KCNJ4: variants seen among roughly 807,000 people sequenced by gnomAD.
The protein encoded by KCNJ4 is inward rectifier potassium channel 4.
Under a neutral mutation model 25.6 loss-of-function variants are expected in KCNJ4, and 3 were observed. The ratio of observed to expected loss-of-function variants is 0.12; its 90% CI spans 0.05 to 0.30. KCNJ4 has a LOEUF of 0.30. KCNJ4 is among the 10% of genes least tolerant of loss of function. KCNJ4 has a pLI of 1.00. For missense variants in KCNJ4, 286 were observed against 666.8 expected, an observed-to-expected ratio of 0.43 and a Z score of 6.29; for synonymous variants, 257 against 283.9, an observed-to-expected ratio of 0.91 and a Z score of 0.95.
chr22:38,433,314 T>C (rs1248530434), intron 1 of KCNJ4, among the ~76,000 whole-genome samples: 1 of 151,838 alleles, frequency 6.6e-6, no homozygotes, highest in Admixed American at 6.6e-5. Context: ...GGTGTGGTGG[T>C]GTGTGCCTGT....
At position 38,449,846 on chromosome 22, in the gene KCNJ4, C is replaced by T. The variant is rs2089399420; in HGVS notation, c.-40+5134G>A. 6.6e-6 allele frequency among the ~76,000 whole-genome samples: 1 copy of T among 152,256 alleles called. No homozygotes were observed. Among genetic ancestry groups the T allele is most frequent in the Non-Finnish European group, 1.5e-5 (1 of 68,040 alleles). ...GGGACCCCGTGTTGGGCCACGGGGC[C>T]AGGATTGGTCAAGACCTTTGGGAGT... On this transcript the variant is annotated intron_variant, in intron 1 of 1. Transcript: ENST00000303592. The surrounding 1 kb of genome is among the most constrained non-coding windows in gnomAD (Gnocchi z 5.2).
chr22:38,448,249 A>G (rs1206043483), intron 1 of KCNJ4, among the ~76,000 whole-genome samples: 1 of 148,690 alleles, frequency 6.7e-6, no homozygotes, highest in East Asian at 1.9e-4. Context: ...TCCGTCTTAA[A>G]AAAAAAAAAA....
rs1372810565 is a variant in KCNJ4 at position 38,443,770 on chromosome 22, A to C, written c.-40+11210T>G. 2.6e-5 allele frequency among the ~76,000 whole-genome samples: 4 copies of C among 152,036 alleles called. No homozygotes were observed. Among genetic ancestry groups the C allele is most frequent in the Non-Finnish European group, 5.9e-5 (4 of 67,988 alleles). ...GAGCCACATCACTATTGCAGCCCAC[A>C]GTCTCTGCCCACCACCTCCTCCCAC... On this transcript the variant is annotated intron_variant, in intron 1 of 1. Coordinates refer to ENST00000303592, the MANE Select transcript of KCNJ4 (RefSeq NM_152868.3). The surrounding 1 kb of genome is among the most constrained non-coding windows in gnomAD (Gnocchi z 4.1).
chr22:38,435,757 GA>G (rs1395104766), intron 1 of KCNJ4, among the ~76,000 whole-genome samples: 1 of 151,984 alleles, frequency 6.6e-6, no homozygotes, highest in Non-Finnish European at 1.5e-5. Context: ...AGCCCTTGTG[GA>G]GCACAGAGTC....
At chr22:38,435,458 C>T (rs1274446656) in intron 1 of KCNJ4, among the ~76,000 whole-genome samples, 3 of 152,024 alleles carry the variant, frequency 2.0e-5, no homozygotes, top group African/African-American at 4.8e-5. Context: ...TTTGGGAGGC[C>T]GAGGCAGGTG....
At chr22:38,431,825 C>T (rs2093050646) in intron 1 of KCNJ4, among the ~76,000 whole-genome samples, 1 of 152,212 alleles carries the variant, frequency 6.6e-6, no homozygotes, top group Non-Finnish European at 1.5e-5. Flanking sequence ...TCTCATGTGA[C>T]AACCACCAGG....
In KCNJ4 at chr22:38,449,174, T is replaced by C. The variant is rs1271118923; in HGVS notation, c.-40+5806A>G. Among the ~76,000 whole-genome samples the C allele has an allele frequency of 6.6e-6, 1 of 152,106 alleles. No homozygotes were observed. The highest frequency in any genetic ancestry group is 1.5e-5 in the Non-Finnish European group (1 of 67,984). ...AGGGAGGAGTGGCTGAGCTGTTGCA[T>C]GGAAGGAAAGGGGAGGCCTAGGCTG... On this transcript the variant is annotated intron_variant, in intron 1 of 1. Transcript: ENST00000303592. This position sits in a 1 kb window ranked among gnomAD's most constrained non-coding sequence, Gnocchi z 5.2.
chr22:38,452,776 C>T (rs1291932557), intron 1 of KCNJ4, among the ~76,000 whole-genome samples: 1 of 151,624 alleles, frequency 6.6e-6, no homozygotes, highest in Admixed American at 6.6e-5. Context: ...GCCCCCATCT[C>T]TTCCCCAGCT....
chr22:38,454,431 C>T (rs1349878826), intron 1 of KCNJ4, among the ~76,000 whole-genome samples: 2 of 152,156 alleles, frequency 1.3e-5, no homozygotes, highest in Non-Finnish European at 2.9e-5. Context: ...CAGCCTCTGC[C>T]TCCCTCCCCA....
At chr22:38,453,683 G>A (rs9610962) in intron 1 of KCNJ4, among the ~76,000 whole-genome samples, 7,374 of 152,256 alleles carry the variant, frequency 0.048, 266 homozygotes, top group Non-Finnish European at 0.062. Context: ...TGTGGAAGAT[G>A]ACGGTTGGGA....
At chr22:38,439,205 G>A (rs559064866) in intron 1 of KCNJ4, among the ~76,000 whole-genome samples, 6 of 151,598 alleles carry the variant, frequency 4.0e-5, no homozygotes, top group East Asian at 3.9e-4. Flanking sequence ...AGGCCAAGGC[G>A]GATGGATCAC....
intron 1 of KCNJ4, among the ~76,000 whole-genome samples, chr22:38,431,254 C>T (rs1258020424): frequency 6.6e-6 from 1 of 152,200 alleles, no homozygotes; most frequent in Non-Finnish European, 1.5e-5. Context: ...TCTTCCTGGA[C>T]TTCCCCACCT....
intron 1 of KCNJ4, among the ~76,000 whole-genome samples, chr22:38,444,057 C>T (rs557592151): frequency 1.4e-4 from 22 of 152,286 alleles, no homozygotes; most frequent in African/African-American, 5.3e-4. Flanking sequence ...CTTGTGCCTT[C>T]CTACCATTCA....
At chr22:38,450,915 G>A (rs1284687718) in intron 1 of KCNJ4, among the ~76,000 whole-genome samples, 1 of 152,062 alleles carries the variant, frequency 6.6e-6, no homozygotes, top group East Asian at 1.9e-4. Flanking sequence ...CTTTCCCCAG[G>A]GAAGCCCCAG....
rs749363469 is a variant in KCNJ4 at position 38,428,013 on chromosome 22, C to T, written c.120G>A (p.Gln40=). The change falls in exon 2 of 2, where the codon CAG becomes CAA. Residue 40 remains glutamine (Q), a synonymous_variant. Coordinates refer to ENST00000303592, the MANE Select transcript of KCNJ4 (RefSeq NM_152868.3). Reference sequence around the variant, plus strand: ...TGGTGAAGATGTCCGCCATGTAGCGCTGCGACTTGTTGCTCAGGTTGGCGA... The same window carrying T: ...TGGTGAAGATGTCCGCCATGTAGCGTTGCGACTTGTTGCTCAGGTTGGCGA... ...VYFANLSNKS[Q]RYMADIFTTC... The T allele has an allele frequency of 1.2e-6, 2 of 1,614,220 alleles. No homozygotes were observed. The highest frequency in any genetic ancestry group is 1.7e-5 in the Admixed American group (1 of 60,034).
intron 1 of KCNJ4, among the ~76,000 whole-genome samples, chr22:38,450,723 T>C (rs1054061304): frequency 9.9e-5 from 15 of 152,258 alleles, no homozygotes; most frequent in Non-Finnish European, 2.1e-4. Context: ...AGGTCATTCC[T>C]TGTCTCTGGG....
chr22:38,433,293 A>G (rs1451291100), intron 1 of KCNJ4, among the ~76,000 whole-genome samples: 1 of 150,326 alleles, frequency 6.7e-6, no homozygotes, highest in Non-Finnish European at 1.5e-5. Context: ...CTAAAAATAC[A>G]AAACTAGCCA....
At chr22:38,436,214 C>T (rs756891328) in intron 1 of KCNJ4, among the ~76,000 whole-genome samples, 5 of 152,220 alleles carry the variant, frequency 3.3e-5, no homozygotes, top group East Asian at 1.9e-4. Flanking sequence ...ATGCACACCA[C>T]GTGCCCAGCC....
At chr22:38,434,317 T>C (rs146784983) in intron 1 of KCNJ4, among the ~76,000 whole-genome samples, 2 of 152,284 alleles carry the variant, frequency 1.3e-5, no homozygotes, top group South Asian at 4.2e-4. Flanking sequence ...GAGGAACCAG[T>C]CATCCTCTCT....
Sources: allele counts gnomAD v4.1 joint callset (sites outside exome capture counted in the v4.1 genomes callset), GRCh38; gene constraint gnomAD v4.1.1; non-coding constraint Gnocchi (gnomAD v3.1); transcripts MANE v1.5; gene names NCBI Gene and HGNC (gene_info 2026-07-23, HGNC 2026-07-21).